PRSS12: variants seen among roughly 807,000 people sequenced by gnomAD.
The protein encoded by PRSS12 is neurotrypsin.
PRSS12 carries 85 observed loss-of-function variants against 104.4 expected under a neutral mutation model. The ratio of observed to expected loss-of-function variants is 0.81; its 90% CI spans 0.68 to 0.98. The LOEUF (loss-of-function observed/expected upper bound fraction) is 0.98. PRSS12 is among the 50% of genes least tolerant of loss of function. The probability of loss-of-function intolerance (pLI) is 0.00; values close to 1 mark genes in which losing one functional copy is unlikely to be tolerated. For missense variants in PRSS12, 1,141 were observed against 1,139.2 expected, an observed-to-expected ratio of 1.00 and a Z score of -0.02; for synonymous variants, 454 against 425.2, an observed-to-expected ratio of 1.07 and a Z score of -0.83.
chr4:118,314,758 T>C (rs1444098304), intron 6 of PRSS12, among the ~76,000 whole-genome samples: 9 of 152,062 alleles, frequency 5.9e-5, no homozygotes, highest in Non-Finnish European at 1.5e-5. Flanking sequence ...ACTCTGTGCA[T>C]AGATTTGTGA....
At chr4:118,343,199 G>C (rs1185908192) in intron 1 of PRSS12, among the ~76,000 whole-genome samples, 2 of 151,172 alleles carry the variant, frequency 1.3e-5, no homozygotes, top group Non-Finnish European at 2.9e-5. Flanking sequence ...GATCGGCCTA[G>C]ACAACAGAGT....
At position 118,282,260 on chromosome 4, in the gene PRSS12, T is replaced by C. The variant is rs1458497281; in HGVS notation, c.2321-17A>G. 1.2e-6 allele frequency: 2 copies of C among 1,614,098 alleles called. No individual in the cohort carries two copies. Among genetic ancestry groups the C allele is most frequent in the Middle Eastern group, 1.7e-4 (1 of 6,058 alleles). ...AGGCTCGTCCTACTCAGACCAAACATCTGATTAGTGGCATTCCAGATAACC... is the reference window on the plus strand; with the variant it reads ...AGGCTCGTCCTACTCAGACCAAACACCTGATTAGTGGCATTCCAGATAACC... On this transcript the variant is annotated splice_polypyrimidine_tract_variant and intron_variant, in intron 12 of 12. Coordinates refer to ENST00000296498, the MANE Select transcript of PRSS12 (RefSeq NM_003619.4).
Position 118,308,593 on chromosome 4 carries a change from A to G in PRSS12, c.1490-16T>C. ...ACAGGAAAACCTAAGTCATGATTCA[A>G]AAGTATTAGAACAGCCCAAACATGC... On this transcript the variant is annotated splice_polypyrimidine_tract_variant and intron_variant, in intron 7 of 12. Transcript: ENST00000296498. The G allele has an allele frequency of 6.2e-7, 1 of 1,613,624 alleles. No individual in the cohort carries two copies. Among genetic ancestry groups the G allele is most frequent in the South Asian group, 1.1e-5 (1 of 91,068 alleles).
chr4:118,290,236 A>G lies in PRSS12; in HGVS notation c.2039+4703T>C, dbSNP rs971917924. 2.6e-5 allele frequency among the ~76,000 whole-genome samples: 4 copies of G among 151,954 alleles called. 1 individual carries two copies. The East Asian group carries it at 7.7e-4, about 29-fold the overall frequency. On this transcript the variant is annotated intron_variant, in intron 11 of 12. Coordinates refer to ENST00000296498, the MANE Select transcript of PRSS12 (RefSeq NM_003619.4). The stretch of plus-strand genomic sequence containing the variant: ...AAATAAATCCAAAAATAACAACAAC[A>G]AAAAAAAGAGCCCATCCAGGGAACC...
chr4:118,335,422 C>A (rs773033135), intron 3 of PRSS12, 51 bp downstream of exon 3: 20 of 1,591,656 alleles, frequency 1.3e-5, no homozygotes, highest in Non-Finnish European at 1.6e-5. Flanking sequence ...TCTGGAATCA[C>A]GTTTAAAACA....
intron 4 of PRSS12, among the ~76,000 whole-genome samples, chr4:118,322,476 G>T (rs1244234843): frequency 6.6e-6 from 1 of 151,966 alleles, no homozygotes; most frequent in African/African-American, 2.4e-5. Context: ...AACCTTGGAG[G>T]TGGAGGTTGC....
At position 118,316,230 on chromosome 4, in the gene PRSS12, C is replaced by T; in HGVS notation, c.1244G>A (p.Gly415Asp). The T allele has an allele frequency of 6.2e-7, 1 of 1,614,086 alleles. No individual in the cohort carries two copies. The highest frequency in any genetic ancestry group is 1.3e-5 in the African/African-American group (1 of 75,022). Residue 415 changes from glycine (G) to aspartate (D), a missense_variant, in exon 6 of 13, where the codon GGC becomes GAC. Gly to Asp is a moderately conservative substitution (Grantham distance 94). Coordinates refer to ENST00000296498, the MANE Select transcript of PRSS12 (RefSeq NM_003619.4). ...CACGTATGTATTCAGCTCAGTCCAG[C>T]CATCATCACAGACAGTTCCCCACTG... ...RGQWGTVCDDGWTELNTYVVC... is the reference protein window; with the variant it reads ...RGQWGTVCDDDWTELNTYVVC...
chr4:118,295,169 G>T, intron 10 of PRSS12, 108 bp from the exon 11 acceptor site: 55 of 1,363,898 alleles, frequency 4.0e-5, no homozygotes, highest in East Asian at 1.6e-4. Flanking sequence ...GCAGGTGGGG[G>T]AAAAGGAAAG....
intron 10 of PRSS12, among the ~76,000 whole-genome samples, 191 bp downstream of exon 10, chr4:118,295,587 G>GGT (rs1743234948): frequency 6.6e-6 from 1 of 152,094 alleles, no homozygotes; most frequent in Non-Finnish European, 1.5e-5. Context: ...AAATCAGGCT[G>GGT]GTATAAGAAC....
chr4:118,340,735 G>A (rs1012213785), intron 1 of PRSS12, among the ~76,000 whole-genome samples: 6 of 152,176 alleles, frequency 3.9e-5, no homozygotes, highest in African/African-American at 1.4e-4. Context: ...ATTTGATCGT[G>A]GTTTTACGTG....
Position 118,352,500 on chromosome 4 carries a change from G to T in PRSS12, c.221C>A (p.Ala74Asp). 7.0e-7 allele frequency: 1 copy of T among 1,433,066 alleles called. No individual in the cohort carries two copies. Among genetic ancestry groups the T allele is most frequent in the Non-Finnish European group, 9.1e-7 (1 of 1,093,270 alleles). 88.8% of individuals were successfully genotyped at this position (1,433,066 alleles called of 1,614,324 possible). Residue 74 changes from alanine to aspartate, a missense_variant, in exon 1 of 13, where the codon GCC becomes GAC. Ala to Asp is a moderately radical substitution (Grantham distance 126). Transcript: ENST00000296498. ...RFPRPPRALP[A>D]QRPHALQAGH... is the part of the protein sequence containing the mutation. ...GGCCTGGAGGGCGTGCGGGCGCTGG[G>T]CAGGGAGCGCCCGCGGGGGGCGCGG...
intron 3 of PRSS12, among the ~76,000 whole-genome samples, chr4:118,335,033 A>G (rs1724025324): frequency 6.6e-6 from 1 of 152,182 alleles, no homozygotes; most frequent in Non-Finnish European, 1.5e-5. Context: ...TGCTCTCTAC[A>G]GCCCCAAGAA....
At chr4:118,320,276 T>C (rs910900841) in intron 4 of PRSS12, among the ~76,000 whole-genome samples, 1 of 152,100 alleles carries the variant, frequency 6.6e-6, no homozygotes, top group South Asian at 2.1e-4. Flanking sequence ...ACAACAAAAA[T>C]ATATTGAAGA....
intron 4 of PRSS12, among the ~76,000 whole-genome samples, chr4:118,330,132 T>C (rs949335547): frequency 5.3e-5 from 8 of 152,200 alleles, no homozygotes; most frequent in Admixed American, 1.3e-4. Flanking sequence ...ACATGTGAAC[T>C]ATAAATTAGC....
chr4:118,319,861 A>C (rs1449951869), intron 4 of PRSS12, among the ~76,000 whole-genome samples: 1 of 151,950 alleles, frequency 6.6e-6, no homozygotes, highest in Non-Finnish European at 1.5e-5. Flanking sequence ...TTTTTTGTAG[A>C]GATGGAGTCT....
At position 118,352,412 on chromosome 4, in the gene PRSS12, C is replaced by A; in HGVS notation, c.309G>T (p.Thr103=). 1 of 1,534,714 alleles carries A rather than the reference C, an allele frequency of 6.5e-7. No individual in the cohort carries two copies. The highest frequency in any genetic ancestry group is 1.2e-5 in the South Asian group (1 of 83,036). The change falls in exon 1 of 13, where the codon ACG becomes ACT. Residue 103 remains threonine (T), a synonymous_variant. Coordinates refer to ENST00000296498, the MANE Select transcript of PRSS12 (RefSeq NM_003619.4). The part of the protein sequence containing the change: ...CPAGEPWVSV[T]DFGAPCLRWA... ...ACCGCAGACACGGGGCGCCGAAGTC[C>A]GTCACGCTGACCCATGGCTCGCCGG...
At chr4:118,316,837 A>AAATATATATATATATAT (rs35698159) in intron 5 of PRSS12, among the ~76,000 whole-genome samples, 1,199 of 98,796 alleles carry the variant, frequency 0.012, 32 homozygotes, top group Non-Finnish European at 0.02. Context: ...AAAAAAAAAA[A>AAATATATATATATATAT]ATATATATAT....
chr4:118,341,910 T>C (rs559365639), intron 1 of PRSS12, among the ~76,000 whole-genome samples: 11 of 152,158 alleles, frequency 7.2e-5, no homozygotes, highest in Non-Finnish European at 1.2e-4. Flanking sequence ...CATTATACCA[T>C]GTTAGAGTTC....
rs1472830208 is a variant in PRSS12 at position 118,338,160 on chromosome 4, G to C, written c.641+16C>G. 1 of 1,613,846 alleles carries C rather than the reference G, an allele frequency of 6.2e-7. No individual in the cohort carries two copies. The highest frequency in any genetic ancestry group is 8.5e-7 in the Non-Finnish European group (1 of 1,179,858). On this transcript the variant is annotated intron_variant, in intron 2 of 12. Transcript: ENST00000296498. ...AATACTAGCTGACTGATTTGGTCAG[G>C]GATGGGTACACTCACCCCAGCTGCA...
Sources: allele counts gnomAD v4.1 joint callset (sites outside exome capture counted in the v4.1 genomes callset), GRCh38; gene constraint gnomAD v4.1.1; transcripts MANE v1.5; gene names NCBI Gene and HGNC (gene_info 2026-07-23, HGNC 2026-07-21).